VAV2: variants seen among roughly 807,000 people sequenced by gnomAD.
The protein encoded by VAV2 is vav guanine nucleotide exchange factor 2.
Under a neutral mutation model 132.5 loss-of-function variants are expected in VAV2, and 67 were observed. The observed-to-expected ratio is 0.51, with a 90% confidence interval of 0.42 to 0.62. The LOEUF (loss-of-function observed/expected upper bound fraction) is 0.62, where lower values mean the gene tolerates loss of function less well. VAV2 is among the 20% of genes least tolerant of loss of function. The pLI is 0.00. For missense variants in VAV2, 938 were observed against 1,153.6 expected (o/e 0.81, Z 2.71); for synonymous variants, 492 against 443.5 (o/e 1.11, Z -1.37).
At position 133,789,282 on chromosome 9, in the gene VAV2, A is replaced by G. The variant is rs1366492152; in HGVS notation, c.1250T>C (p.Ile417Thr). Residue 417 changes from isoleucine to threonine, a missense_variant, in exon 14 of 30, where the codon ATA becomes ACA. Ile to Thr is a moderately conservative substitution (Grantham distance 89, BLOSUM62 -1). Coordinates refer to ENST00000371850, the MANE Select transcript of VAV2 (RefSeq NM_001134398.2). ...CCTGTCCTGCTTGGTGTGGTTGACT[A>G]TGGACCGGACTTTCAGTTCCCCGTC... ...KIDGELKVRSIVNHTKQDRYL... is the reference protein window; with the variant it reads ...KIDGELKVRSTVNHTKQDRYL... The G allele has an allele frequency of 6.2e-7, 1 of 1,614,100 alleles. No individual in the cohort carries two copies. The highest frequency in any genetic ancestry group is 1.7e-5 in the Admixed American group (1 of 60,032).
At chr9:133,936,393 C>A (rs1840910077) in intron 2 of VAV2, among the ~76,000 whole-genome samples, 1 of 152,118 alleles carries the variant, frequency 6.6e-6, no homozygotes, top group Admixed American at 6.5e-5. Flanking sequence ...CATACGCCCA[C>A]CAGCACACCC....
intron 3 of VAV2, among the ~76,000 whole-genome samples, chr9:133,849,075 G>A (rs905179106): frequency 6.6e-6 from 1 of 152,232 alleles, no homozygotes; most frequent in Non-Finnish European, 1.5e-5. Context: ...AGTTGCTGAA[G>A]AGGCGGCCTT....
rs1201210839 is a variant in VAV2 at position 133,918,547 on chromosome 9, C to T, written c.321+20556G>A. On this transcript the variant is annotated intron_variant, in intron 2 of 29. Transcript: ENST00000371850. This position sits in a 1 kb window ranked among gnomAD's most constrained non-coding sequence, Gnocchi z 4.7. The stretch of plus-strand genomic sequence containing the variant: ...GACAGTGCCAAGTCCTTCACGGCAG[C>T]TCATTCGTTCCTGCCTCACAACTCC... 6.7e-6 allele frequency among the ~76,000 whole-genome samples: 1 copy of T among 149,364 alleles called. No homozygotes were observed. The highest frequency in any genetic ancestry group is 1.5e-5 in the Non-Finnish European group (1 of 67,908).
intron 2 of VAV2, among the ~76,000 whole-genome samples, chr9:133,894,279 G>A (rs776119087): frequency 2.6e-5 from 4 of 152,208 alleles, no homozygotes; most frequent in Non-Finnish European, 4.4e-5. Context: ...GGATGGTGCC[G>A]GCCATCAGCA....
At chr9:133,855,316 G>A (rs752322010) in intron 3 of VAV2, among the ~76,000 whole-genome samples, 3 of 152,216 alleles carry the variant, frequency 2.0e-5, no homozygotes, top group South Asian at 2.1e-4. Context: ...CGGAGCCTCC[G>A]GCTGAGATGT....
chr9:133,776,765 G>A (rs1320270556), intron 23 of VAV2, among the ~76,000 whole-genome samples: 3 of 152,132 alleles, frequency 2.0e-5, no homozygotes, highest in Non-Finnish European at 2.9e-5. Flanking sequence ...GACGGGACTG[G>A]GGCTGGGGTC....
intron 2 of VAV2, among the ~76,000 whole-genome samples, chr9:133,898,593 C>T (rs1346154195): frequency 6.6e-6 from 1 of 151,778 alleles, no homozygotes; most frequent in Non-Finnish European, 1.5e-5. Context: ...GACTCTGCCT[C>T]AAAAAAATAA....
chr9:133,937,519 C>T (rs13284683), intron 2 of VAV2, among the ~76,000 whole-genome samples: 19 of 118,794 alleles, frequency 1.6e-4, no homozygotes, highest in Admixed American at 7.8e-4. Context: ...TGTGTGTGCG[C>T]GTGTGAGAGT....
At chr9:133,960,895 G>A (rs1321207592) in intron 1 of VAV2, among the ~76,000 whole-genome samples, 1 of 152,212 alleles carries the variant, frequency 6.6e-6, no homozygotes, top group Non-Finnish European at 1.5e-5. Flanking sequence ...AACGGGGCAG[G>A]AGGCCGTCAT....
At chr9:133,784,251 A>G in intron 18 of VAV2, 66 bp downstream of exon 18, 1 of 1,524,492 alleles carries the variant, frequency 6.6e-7, no homozygotes, top group Non-Finnish European at 9.1e-7. Context: ...TAGAACACTA[A>G]GCTCTCTCAG....
chr9:133,885,606 C>T lies in VAV2; in HGVS notation c.322-24174G>A, dbSNP rs553935709. On this transcript the variant is annotated intron_variant, in intron 2 of 29. Transcript: ENST00000371850. The surrounding 1 kb of genome is among the most constrained non-coding windows in gnomAD (Gnocchi z 5.0). ...CCGCAGGGGAGACGTGACCCCAGGG[C>T]GGACCCCTCCCAAGCTTGGTGTGGT... Among the ~76,000 whole-genome samples, 8 of 152,172 alleles carry T rather than the reference C, an allele frequency of 5.3e-5. No homozygotes were observed. The highest frequency in any genetic ancestry group is 1.9e-4 in the African/African-American group (8 of 41,438).
intron 1 of VAV2, among the ~76,000 whole-genome samples, chr9:133,951,543 G>A (rs1208177373): frequency 1.3e-5 from 2 of 152,156 alleles, no homozygotes; most frequent in Non-Finnish European, 2.9e-5. Flanking sequence ...TGCTTCGTGA[G>A]GCCCATATGT....
chr9:133,778,433 C>G (rs924522539), intron 22 of VAV2, among the ~76,000 whole-genome samples: 3 of 152,196 alleles, frequency 2.0e-5, no homozygotes, highest in Non-Finnish European at 2.9e-5. Context: ...TGAGACACAA[C>G]AGAGGCAGGA....
chr9:133,881,750 C>A (rs760925744), intron 2 of VAV2, among the ~76,000 whole-genome samples: 19 of 152,258 alleles, frequency 1.2e-4, no homozygotes, highest in Non-Finnish European at 2.8e-4. Flanking sequence ...TCAGCCCAGA[C>A]AGGAATTAAT....
At chr9:133,766,286 G>C (rs1050899128) in intron 29 of VAV2, among the ~76,000 whole-genome samples, 2 of 152,238 alleles carry the variant, frequency 1.3e-5, no homozygotes, top group African/African-American at 4.8e-5. Flanking sequence ...CCCATCAACA[G>C]TGTAAAAGTG....
chr9:133,770,258 G>A (rs1833572092), intron 27 of VAV2, 120 bp downstream of exon 27: 3 of 1,481,306 alleles, frequency 2.0e-6, no homozygotes, highest in Non-Finnish European at 2.7e-6. Context: ...GGCGGGGGCT[G>A]TGTTCCCCAG....
rs7860383 is a variant in VAV2, at chr9:133,845,413, C to T, written c.381-11073G>A. Reference sequence around the variant, plus strand: ...TACTCGGAGAGCTGGGGTGGGAGGGCCAGAATGGGGGGCCGCACTGGGGGT... The same window carrying T: ...TACTCGGAGAGCTGGGGTGGGAGGGTCAGAATGGGGGGCCGCACTGGGGGT... On this transcript the variant is annotated intron_variant, in intron 3 of 29. Transcript: ENST00000371850. Among the ~76,000 whole-genome samples the T allele has an allele frequency of 3.2e-3, 485 of 152,332 alleles. 2 individuals are homozygous for T. Among genetic ancestry groups the T allele is most frequent in the African/African-American group, 0.011 (451 of 41,570 alleles).
intron 2 of VAV2, among the ~76,000 whole-genome samples, chr9:133,917,130 A>C (rs1840120568): frequency 6.9e-6 from 1 of 144,344 alleles, no homozygotes; most frequent in African/African-American, 2.5e-5. Flanking sequence ...CCTGCTCCCC[A>C]CCCAGAGGCC....
chr9:133,936,391 C>T (rs1478122339), intron 2 of VAV2, among the ~76,000 whole-genome samples: 2 of 152,040 alleles, frequency 1.3e-5, no homozygotes, highest in Admixed American at 6.5e-5. Context: ...TACATACGCC[C>T]ACCAGCACAC....
Sources: gnomAD v4.1 joint callset for allele counts (sites outside exome capture counted in the v4.1 genomes callset) on GRCh38, gnomAD v4.1.1 for gene constraint, Gnocchi (gnomAD v3.1) non-coding constraint, MANE v1.5 for transcripts, NCBI Gene and HGNC (gene_info 2026-07-23, HGNC 2026-07-21) for gene names.